Variants in PAFAH1B2 observed in about 807,000 individuals in gnomAD.
PAFAH1B2 encodes platelet activating factor acetylhydrolase 1b catalytic subunit 2, also known as platelet-activating factor acetylhydrolase IB subunit alpha2.
A neutral mutation model predicts 28.0 loss-of-function variants in PAFAH1B2; 8 were observed. The ratio of observed to expected loss-of-function variants is 0.29; its 90% CI spans 0.17 to 0.52. The LOEUF (loss-of-function observed/expected upper bound fraction) is 0.52, where lower values mean the gene tolerates loss of function less well. Ranked by LOEUF, PAFAH1B2 falls within the 20% of genes least tolerant of loss-of-function variation. The pLI is 0.97. For synonymous variants in PAFAH1B2, 104 were observed against 103.2 expected (o/e 1.01, Z -0.05); for missense variants, 190 against 282.6 (o/e 0.67, Z 2.35).
chr11:117,156,222 A>G (rs533737204), intron 2 of PAFAH1B2, among the ~76,000 whole-genome samples: 1 of 152,326 alleles, frequency 6.6e-6, no homozygotes, highest in East Asian at 1.9e-4. Context: ...AGTTATGATT[A>G]TAAAAACTGC....
intron 5 of PAFAH1B2, among the ~76,000 whole-genome samples, chr11:117,166,569 G>A (rs186942742): frequency 1.5e-3 from 226 of 152,286 alleles, no homozygotes; most frequent in African/African-American, 4.5e-3. Context: ...AAGTGAAAAT[G>A]TTTTTGAATT....
chr11:117,144,526 C>T (rs551048035), intron 1 of PAFAH1B2, 108 bp downstream of exon 1: 19 of 176,132 alleles, frequency 1.1e-4, no homozygotes, highest in Middle Eastern at 4.8e-3. Context: ...CCCACCCTTG[C>T]GGCCCCTCCC....
chr11:117,160,576 GC>G (rs1157048471), intron 3 of PAFAH1B2, among the ~76,000 whole-genome samples: 2 of 152,154 alleles, frequency 1.3e-5, no homozygotes, highest in Non-Finnish European at 2.9e-5. Context: ...TCATACCTCA[GC>G]CCCTGAGTAG....
chr11:117,174,904 C>T (rs1270106863), downstream of PAFAH1B2: 45 of 1,526,048 alleles, frequency 2.9e-5, no homozygotes, highest in East Asian at 4.7e-4. Context: ...CGTGAGTCAC[C>T]GCACCAGGCC....
chr11:117,168,530 G>T lies in PAFAH1B2; in HGVS notation c.*831G>T, dbSNP rs1485125156. The T allele has an allele frequency of 9.7e-7, 1 of 1,033,054 alleles. No homozygotes were observed. The highest frequency in any genetic ancestry group is 5.8e-5 in the East Asian group (1 of 17,290). 64.0% of individuals were successfully genotyped at this position (1,033,054 alleles called of 1,614,324 possible). On this transcript the variant is annotated 3_prime_UTR_variant, in exon 6 of 6. Transcript: ENST00000527958. ...TTTTGACCTAGGAGCCCTGTTGCTG[G>T]AAGTATAGTCTCCAGCCAGTTACTC...
intron 2 of PAFAH1B2, among the ~76,000 whole-genome samples, chr11:117,153,821 A>G (rs61905476): frequency 0.031 from 4,728 of 152,272 alleles, 99 homozygotes; most frequent in Non-Finnish European, 0.036. Flanking sequence ...AAATAACTAT[A>G]GGATAGTTAT....
intron 5 of PAFAH1B2, among the ~76,000 whole-genome samples, chr11:117,165,700 A>G (rs1956491536): frequency 6.6e-6 from 1 of 152,202 alleles, no homozygotes; most frequent in Non-Finnish European, 1.5e-5. Flanking sequence ...GAAAGAAGGA[A>G]GGTATTATAG....
intron 3 of PAFAH1B2, among the ~76,000 whole-genome samples, chr11:117,160,249 C>G (rs566468738): frequency 1.3e-5 from 2 of 152,302 alleles, no homozygotes; most frequent in Admixed American, 6.5e-5. Context: ...CTCTTCTACT[C>G]TGGTTTCCAA....
rs772577463 is a variant in PAFAH1B2 at position 117,161,246 on chromosome 11, G to T, written c.273G>T (p.Glu91Asp). Residue 91 changes from glutamate to aspartate, a missense_variant, in exon 4 of 6, where the codon GAG (glutamate) becomes GAT (aspartate). Glu to Asp is a conservative substitution (Grantham distance 45). Transcript: ENST00000527958. ...GGAGACTAAAGAATGGAGAACTGGA[G>T]AATATTAAGCCTAAGGTGAAATGAA... ...VLWRLKNGEL[E>D]NIKPKVIVVW... 1 of 1,558,798 alleles carries T rather than the reference G, an allele frequency of 6.4e-7. No homozygotes were observed. Among genetic ancestry groups the T allele is most frequent in the Non-Finnish European group, 8.7e-7 (1 of 1,150,720 alleles).
rs1956535191 is a variant in PAFAH1B2, at chr11:117,167,330, T to G, written c.412-91T>G. 4 of 1,298,832 alleles carry G rather than the reference T, an allele frequency of 3.1e-6. No individual in the cohort carries two copies. In the East Asian group the frequency reaches 1.0e-4, roughly 33 times the overall value. 80.5% of individuals were successfully genotyped at this position (1,298,832 alleles called of 1,614,324 possible). A position where few individuals can be genotyped will look rare whatever the true frequency, so the allele number is the denominator to read the frequency against. On this transcript the variant is annotated intron_variant, in intron 5 of 5. Transcript: ENST00000527958. ...ACTCAAAGGTGTAGAAAGTGCCAAA[T>G]GGAGATGTTCCAGGAATATCTGAAG...
intron 2 of PAFAH1B2, among the ~76,000 whole-genome samples, chr11:117,155,368 C>T (rs191005947): frequency 3.2e-3 from 493 of 152,118 alleles, no homozygotes; most frequent in African/African-American, 5.1e-3. Context: ...GGAAAATAAA[C>T]GCAGTAAATA....
At chr11:117,152,581 GTCTGTTTTGT>G in intron 2 of PAFAH1B2, 53 bp downstream of exon 2, 1 of 1,322,014 alleles carries the variant, frequency 7.6e-7, no homozygotes. Context: ...CCAGTTTTTT[GTCTGTTTTGT>G]TTTAGTTTTT....
rs188419639 is a variant in PAFAH1B2, at chr11:117,155,771, G to C, written c.81+3243G>C. On this transcript the variant is annotated intron_variant, in intron 2 of 5. Coordinates refer to ENST00000527958, the MANE Select transcript of PAFAH1B2 (RefSeq NM_002572.4). ...GGCAAGTCTGTCCACAGGAAGAAGAGTGTGACCTGGGAGGCTGAGGCAAGA... is the reference window on the plus strand; with the variant it reads ...GGCAAGTCTGTCCACAGGAAGAAGACTGTGACCTGGGAGGCTGAGGCAAGA... 2.8e-4 allele frequency among the ~76,000 whole-genome samples: 42 copies of C among 152,212 alleles called. 1 individual carries two copies. In the East Asian group the frequency reaches 7.9e-3, roughly 29 times the overall value.
In PAFAH1B2 at chr11:117,170,082, GT is replaced by G. The variant is rs1316908928; in HGVS notation, c.*2385del. 45 of 1,055,724 alleles carry G rather than the reference GT, an allele frequency of 4.3e-5. No homozygotes were observed. The highest frequency in any genetic ancestry group is 4.7e-5 in the Non-Finnish European group (41 of 873,540). 65.4% of individuals were successfully genotyped at this position (1,055,724 alleles called of 1,614,324 possible). ...CCCATTACTGATGTGCAGATATTGA[GT>G]TCACTTTCATTTTTTGCCAGATTTC... On this transcript the variant is annotated 3_prime_UTR_variant, in exon 6 of 6. Coordinates refer to ENST00000527958, the MANE Select transcript of PAFAH1B2 (RefSeq NM_002572.4).
chr11:117,145,802 C>T (rs1467592258), intron 1 of PAFAH1B2, among the ~76,000 whole-genome samples: 6 of 152,134 alleles, frequency 3.9e-5, no homozygotes, highest in Admixed American at 6.6e-5. Context: ...CTTTCTTCAT[C>T]TGTTTTCCTG....
At chr11:117,159,174 G>A (rs1956316901) in intron 2 of PAFAH1B2, among the ~76,000 whole-genome samples, 1 of 152,200 alleles carries the variant, frequency 6.6e-6, no homozygotes, top group African/African-American at 2.4e-5. Flanking sequence ...ATAAAAGTTT[G>A]AGGAAAAGAT....
intron 4 of PAFAH1B2, among the ~76,000 whole-genome samples, chr11:117,162,781 A>G (rs1295821494): frequency 1.3e-5 from 2 of 151,964 alleles, no homozygotes; most frequent in African/African-American, 2.4e-5. Context: ...AAAATTTGTT[A>G]AAGTTGCATC....
downstream of PAFAH1B2, among the ~76,000 whole-genome samples, chr11:117,177,155 G>A (rs1218545872): frequency 1.3e-5 from 2 of 152,218 alleles, no homozygotes; most frequent in Non-Finnish European, 2.9e-5. Flanking sequence ...GTTGCAATGA[G>A]CTGAGATTGT....
chr11:117,145,238 G>A (rs1393838982), intron 1 of PAFAH1B2, among the ~76,000 whole-genome samples: 2 of 152,142 alleles, frequency 1.3e-5, no homozygotes, highest in Non-Finnish European at 2.9e-5. Flanking sequence ...TGGTCTACAG[G>A]TTTGATTGAC....
Sources: allele counts gnomAD v4.1 joint callset (sites outside exome capture counted in the v4.1 genomes callset), GRCh38; gene constraint gnomAD v4.1.1; transcripts MANE v1.5; gene names NCBI Gene and HGNC (gene_info 2026-07-23, HGNC 2026-07-21).